Variants in GRIA1 observed in about 807,000 individuals in gnomAD.
GRIA1 encodes the protein glutamate receptor 1.
In GRIA1, 31 loss-of-function variants were observed where a neutral mutation model predicts 99.2. The observed-to-expected ratio is 0.31, with a 90% confidence interval of 0.23 to 0.42. The LOEUF (loss-of-function observed/expected upper bound fraction) is 0.42. Ranked by LOEUF, GRIA1 falls within the 10% of genes least tolerant of loss-of-function variation. The probability of loss-of-function intolerance (pLI) is 1.00; values close to 1 mark genes in which losing one functional copy is unlikely to be tolerated. For synonymous variants in GRIA1, 438 were observed against 432.4 expected, an observed-to-expected ratio of 1.01 and a Z score of -0.16; for missense variants, 782 against 1,157.5, an observed-to-expected ratio of 0.68 and a Z score of 4.71.
chr5:153,716,683 G>A (rs1349641003), intron 11 of GRIA1, among the ~76,000 whole-genome samples: 5 of 152,148 alleles, frequency 3.3e-5, no homozygotes, highest in Non-Finnish European at 7.3e-5. Context: ...AGCTTCAGCT[G>A]GGAAGGGACT....
chr5:153,608,279 T>G (rs1473534086), intron 2 of GRIA1, among the ~76,000 whole-genome samples: 1 of 152,180 alleles, frequency 6.6e-6, no homozygotes, highest in East Asian at 1.9e-4. Context: ...CTTCTCAAAT[T>G]TGTGTCTTGA....
intron 2 of GRIA1, among the ~76,000 whole-genome samples, chr5:153,636,505 C>A (rs1015900709): frequency 2.0e-5 from 3 of 152,158 alleles, no homozygotes; most frequent in Admixed American, 2.0e-4. Context: ...TGCCTTCATG[C>A]TATAAAAGTA....
At chr5:153,492,092 G>C in intron 1 of GRIA1, 1 of 1,386,546 alleles carries the variant, frequency 7.2e-7, no homozygotes, top group Non-Finnish European at 9.5e-7. Context: ...TCCCCTGGTA[G>C]GGAGATAGCT....
chr5:153,717,927 C>A (rs1231929051), intron 11 of GRIA1, among the ~76,000 whole-genome samples: 3 of 152,124 alleles, frequency 2.0e-5, no homozygotes, highest in African/African-American at 7.2e-5. Flanking sequence ...TGGCTGGGGA[C>A]CCCCCTGAGA....
At chr5:153,494,833 T>C (rs1561583822) in intron 2 of GRIA1, among the ~76,000 whole-genome samples, 1 of 152,220 alleles carries the variant, frequency 6.6e-6, no homozygotes. Context: ...GGAAACATAT[T>C]TTCCCTTCAG....
intron 1 of GRIA1, among the ~76,000 whole-genome samples, chr5:153,491,762 C>T (rs1362069911): frequency 6.6e-6 from 1 of 152,184 alleles, no homozygotes; most frequent in African/African-American, 2.4e-5. Context: ...ATCCTTGTTA[C>T]TGGGCTCCAT....
chr5:153,535,183 A>C (rs1758454686), intron 2 of GRIA1, among the ~76,000 whole-genome samples: 1 of 152,086 alleles, frequency 6.6e-6, no homozygotes, highest in African/African-American at 2.4e-5. Flanking sequence ...CGGCCTCCCA[A>C]AATGCTGGGA....
At chr5:153,531,258 G>A (rs1247392855) in intron 2 of GRIA1, among the ~76,000 whole-genome samples, 1 of 152,188 alleles carries the variant, frequency 6.6e-6, no homozygotes, top group Non-Finnish European at 1.5e-5. Context: ...GAGGTAGAGT[G>A]CTAGGAGAGG....
intron 2 of GRIA1, among the ~76,000 whole-genome samples, chr5:153,505,324 A>T (rs1438147306): frequency 2.1e-5 from 3 of 145,452 alleles, no homozygotes; most frequent in African/African-American, 5.2e-5. Context: ...ATTATTTGGC[A>T]ATTATTTCTC....
chr5:153,716,949 C>T (rs1380932547), intron 11 of GRIA1, among the ~76,000 whole-genome samples: 1 of 152,154 alleles, frequency 6.6e-6, no homozygotes, highest in East Asian at 1.9e-4. Context: ...CAGGAGATGG[C>T]TTAGTGTCCA....
At chr5:153,764,410 A>T (rs1322311286) in intron 11 of GRIA1, 24 bp from the exon 12 acceptor site, 1 of 1,589,800 alleles carries the variant, frequency 6.3e-7, no homozygotes, top group African/African-American at 1.3e-5. Context: ...CATGCTGCTG[A>T]TGCCTCTTCC....
chr5:153,760,498 T>A (rs1374043900), intron 11 of GRIA1, among the ~76,000 whole-genome samples: 1 of 151,972 alleles, frequency 6.6e-6, no homozygotes, highest in Non-Finnish European at 1.5e-5. Flanking sequence ...TGGTAAAAAC[T>A]ATAAAACATT....
chr5:153,616,452 A>G lies in GRIA1; in HGVS notation c.221-30476A>G, dbSNP rs370735282. 1.0e-3 allele frequency among the ~76,000 whole-genome samples: 151 copies of G among 151,420 alleles called. 1 individual carries two copies. In the Middle Eastern group the frequency reaches 0.02, roughly 20 times the overall value. On this transcript the variant is annotated intron_variant, in intron 2 of 15. Coordinates refer to ENST00000285900, the MANE Select transcript of GRIA1 (RefSeq NM_000827.4). ...TCTTGGGCCACACATAAAATACACC[A>G]ACATCAATGATGAGCTAAAAAAAAA...
At chr5:153,600,160 G>C (rs1050266919) in intron 2 of GRIA1, among the ~76,000 whole-genome samples, 3 of 152,068 alleles carry the variant, frequency 2.0e-5, no homozygotes, top group Non-Finnish European at 2.9e-5. Context: ...CGGAGGCCGA[G>C]GCGGGTGGAT....
chr5:153,712,776 G>A (rs998870269), intron 11 of GRIA1, among the ~76,000 whole-genome samples: 4 of 152,210 alleles, frequency 2.6e-5, no homozygotes, highest in South Asian at 2.1e-4. Context: ...GGAAATGTGC[G>A]ATAGCTAATC....
intron 7 of GRIA1, among the ~76,000 whole-genome samples, chr5:153,682,767 G>A (rs1231164149): frequency 1.3e-5 from 2 of 152,166 alleles, no homozygotes; most frequent in African/African-American, 4.8e-5. Flanking sequence ...CATTGCAGGG[G>A]TCTCTATACC....
At chr5:153,679,914 G>A (rs532540755) in intron 7 of GRIA1, among the ~76,000 whole-genome samples, 1 of 152,266 alleles carries the variant, frequency 6.6e-6, no homozygotes, top group South Asian at 2.1e-4. Context: ...TGTGTTAAAG[G>A]CTTAGTATAC....
chr5:153,595,328 TC>T (rs1237648107), intron 2 of GRIA1, among the ~76,000 whole-genome samples: 2 of 152,194 alleles, frequency 1.3e-5, no homozygotes, highest in Admixed American at 6.5e-5. Flanking sequence ...GCTCCATTTT[TC>T]TCCCCTATGA....
chr5:153,714,994 G>A (rs1310205619), intron 11 of GRIA1, among the ~76,000 whole-genome samples: 1 of 152,234 alleles, frequency 6.6e-6, no homozygotes, highest in Non-Finnish European at 1.5e-5. Context: ...CTAAAGCAGA[G>A]TGGAGTCCCA....
Sources: allele counts gnomAD v4.1 joint callset (sites outside exome capture counted in the v4.1 genomes callset), GRCh38; gene constraint gnomAD v4.1.1; transcripts MANE v1.5; gene names NCBI Gene and HGNC (gene_info 2026-07-23, HGNC 2026-07-21).